Variants in CDH18 observed in about 807,000 individuals in gnomAD.
CDH18 encodes the protein cadherin-18.
Under a neutral mutation model 67.9 loss-of-function variants are expected in CDH18, and 31 were observed. The observed-to-expected ratio is 0.46, with a 90% CI of 0.34 to 0.62. The LOEUF is 0.62. Among genes scored for constraint, CDH18 ranks in the 20% least tolerant of loss-of-function variants. The pLI, the probability that CDH18 is intolerant of heterozygous loss-of-function variation, is 0.01. For synonymous variants in CDH18, 362 were observed against 347.2 expected (o/e 1.04, Z -0.48); for missense variants, 890 against 975.5 (o/e 0.91, Z 1.17).
At chr5:20,356,954 GTAA>G (rs1340081556) in intron 1 of CDH18, among the ~76,000 whole-genome samples, 1 of 150,198 alleles carries the variant, frequency 6.7e-6, no homozygotes, top group East Asian at 2.0e-4. Flanking sequence ...TATATATGTA[GTAA>G]TAACTGTAAG....
chr5:19,807,035 A>G (rs536988288), intron 3 of CDH18, among the ~76,000 whole-genome samples: 2 of 152,352 alleles, frequency 1.3e-5, no homozygotes, highest in South Asian at 2.1e-4. Flanking sequence ...ACTACAGACA[A>G]TGTTAACACA....
chr5:19,633,234 C>T (rs927670197), intron 5 of CDH18, among the ~76,000 whole-genome samples: 1 of 152,114 alleles, frequency 6.6e-6, no homozygotes, highest in African/African-American at 2.4e-5. Context: ...TAATCTGTAC[C>T]TGTCCACAAA....
At chr5:20,188,118 G>A (rs1055523545) in intron 2 of CDH18, among the ~76,000 whole-genome samples, 7 of 151,842 alleles carry the variant, frequency 4.6e-5, no homozygotes, top group East Asian at 1.9e-4. Flanking sequence ...TTTATTACAC[G>A]TATTATGCCT....
At chr5:20,236,431 C>T (rs1742481098) in intron 2 of CDH18, among the ~76,000 whole-genome samples, 1 of 151,562 alleles carries the variant, frequency 6.6e-6, no homozygotes, top group Non-Finnish European at 1.5e-5. Flanking sequence ...TTAAAGCAAT[C>T]AAGATTTTCT....
chr5:19,650,570 A>C (rs183064201), intron 5 of CDH18, among the ~76,000 whole-genome samples: 68 of 152,172 alleles, frequency 4.5e-4, no homozygotes, highest in African/African-American at 1.6e-3. Context: ...ACACTTGGAA[A>C]AATCTGTTGG....
chr5:20,050,977 A>G (rs536175208), intron 2 of CDH18, among the ~76,000 whole-genome samples: 1 of 151,846 alleles, frequency 6.6e-6, no homozygotes, highest in Non-Finnish European at 1.5e-5. Flanking sequence ...TTTTAAGACC[A>G]TGAGTCAGAA....
At chr5:20,139,728 C>T (rs1205203142) in intron 2 of CDH18, among the ~76,000 whole-genome samples, 1 of 152,214 alleles carries the variant, frequency 6.6e-6, no homozygotes, top group East Asian at 1.9e-4. Flanking sequence ...TGCTCATCAT[C>T]ACTGGCCATC....
At chr5:20,452,875 C>T (rs1055509513) in intron 1 of CDH18, among the ~76,000 whole-genome samples, 1 of 152,074 alleles carries the variant, frequency 6.6e-6, no homozygotes, top group African/African-American at 2.4e-5. Context: ...GCTAATCAAA[C>T]AGTCTGAAAT....
At chr5:20,289,701 A>T (rs1200000246) in intron 1 of CDH18, among the ~76,000 whole-genome samples, 1 of 151,850 alleles carries the variant, frequency 6.6e-6, no homozygotes. Context: ...ATATATATTA[A>T]AATATATATT....
At chr5:19,745,136 T>C (rs1769811894) in intron 4 of CDH18, among the ~76,000 whole-genome samples, 1 of 152,224 alleles carries the variant, frequency 6.6e-6, no homozygotes, top group Admixed American at 6.5e-5. Context: ...CTGTGGCTAC[T>C]AGCTACTTCT....
At chr5:19,728,482 T>G (rs1326000189) in intron 4 of CDH18, among the ~76,000 whole-genome samples, 1 of 152,186 alleles carries the variant, frequency 6.6e-6, no homozygotes, top group Non-Finnish European at 1.5e-5. Flanking sequence ...ACAATAAAAC[T>G]TAAATCTTAT....
intron 8 of CDH18, among the ~76,000 whole-genome samples, chr5:19,546,738 C>T (rs1054650626): frequency 6.6e-6 from 1 of 152,062 alleles, no homozygotes; most frequent in African/African-American, 2.4e-5. Flanking sequence ...GAGGCATGAA[C>T]ACACATGGCA....
At position 20,394,875 on chromosome 5, in the gene CDH18, A is replaced by G. The variant is rs1458794308; in HGVS notation, c.-579-139370T>C. 7.2e-5 allele frequency among the ~76,000 whole-genome samples: 11 copies of G among 152,164 alleles called. No homozygotes were observed. In the South Asian group the frequency reaches 2.3e-3, roughly 31 times the overall value. ...CATGAGGAAAATGGAAATTAAAACC[A>G]CAATAAGATACCACCTTACCCCAGG... On this transcript the variant is annotated intron_variant, in intron 1 of 14. Transcript: ENST00000507958.
At position 19,757,766 on chromosome 5, in the gene CDH18, T is replaced by C. The variant is rs553058216; in HGVS notation, c.229-10530A>G. ...AGTCCCTGGCCATCCAGACAAACCA[T>C]AGGCTACAGCCCAGGAATCAGTAGA... is the stretch of plus-strand genomic sequence containing the variant. On this transcript the variant is annotated intron_variant, in intron 3 of 12. Coordinates refer to ENST00000382275, the MANE Select transcript of CDH18 (RefSeq NM_004934.5). Among the ~76,000 whole-genome samples the C allele has an allele frequency of 5.3e-5, 8 of 152,284 alleles. No individual in the cohort carries two copies. In the East Asian group the frequency reaches 1.4e-3, roughly 26 times the overall value.
intron 5 of CDH18, among the ~76,000 whole-genome samples, chr5:19,681,706 T>G (rs933024451): frequency 4.6e-5 from 7 of 152,076 alleles, no homozygotes; most frequent in Admixed American, 3.3e-4. Context: ...GAGAGAGAGA[T>G]AATCTTCTCT....
intron 5 of CDH18, among the ~76,000 whole-genome samples, chr5:19,677,447 G>A (rs1010035972): frequency 4.0e-5 from 6 of 151,766 alleles, no homozygotes; most frequent in East Asian, 1.9e-4. Flanking sequence ...ATTACTGGTC[G>A]CCACAAAAAC....
intron 9 of CDH18, among the ~76,000 whole-genome samples, chr5:19,539,256 C>A (rs1217572174): frequency 6.6e-6 from 1 of 152,128 alleles, no homozygotes; most frequent in Non-Finnish European, 1.5e-5. Flanking sequence ...CAGAAAATTA[C>A]AATTTACTGT....
At chr5:20,210,058 TA>T (rs1267291907) in intron 2 of CDH18, among the ~76,000 whole-genome samples, 6 of 151,626 alleles carry the variant, frequency 4.0e-5, no homozygotes, top group Non-Finnish European at 5.9e-5. Flanking sequence ...TTATTTGTAT[TA>T]TTTTTTAACT....
chr5:19,594,172 G>A (rs1561427734), intron 6 of CDH18, among the ~76,000 whole-genome samples: 1 of 151,782 alleles, frequency 6.6e-6, no homozygotes, highest in Non-Finnish European at 1.5e-5. Context: ...GTTTTGTTTT[G>A]TTTTTTGACA....
Sources: gnomAD v4.1 joint callset for allele counts (sites outside exome capture counted in the v4.1 genomes callset) on GRCh38, gnomAD v4.1.1 for gene constraint, MANE v1.5 for transcripts, NCBI Gene and HGNC (gene_info 2026-07-23, HGNC 2026-07-21) for gene names.